Variants in LRP2BP observed in about 807,000 individuals in gnomAD.
The protein encoded by LRP2BP is LRP2-binding protein.
In LRP2BP, 38 loss-of-function variants were observed where a neutral mutation model predicts 45.2. The observed-to-expected ratio is 0.84, with a 90% CI of 0.65 to 1.10. The LOEUF is 1.10. LRP2BP is among the 50% of genes least tolerant of loss of function. The pLI, the probability that LRP2BP is intolerant of heterozygous loss-of-function variation, is 0.00. For synonymous variants in LRP2BP, 153 were observed against 153.9 expected, an observed-to-expected ratio of 0.99 and a Z score of 0.04; for missense variants, 385 against 418.9, an observed-to-expected ratio of 0.92 and a Z score of 0.71.
At chr4:185,378,595 A>G (rs2095446063) in intron 1 of LRP2BP, 1 of 996,836 alleles carries the variant, frequency 1.0e-6, no homozygotes, top group African/African-American at 1.7e-5. Flanking sequence ...CTTGTAACTG[A>G]CACTCATCGG....
At chr4:185,384,054 G>A (rs76648697) in intron 1 of LRP2BP, among the ~76,000 whole-genome samples, 2,236 of 152,300 alleles carry the variant, frequency 0.015, 30 homozygotes, top group Non-Finnish European at 0.021. Context: ...TATGCTTAGA[G>A]TGTGTGTCCC....
chr4:185,397,203 G>T, upstream of LRP2BP: 2 of 1,613,978 alleles, frequency 1.2e-6, no homozygotes, highest in Non-Finnish European at 1.7e-6. Context: ...ACGCACCCCC[G>T]GATCCCTGCA....
At chr4:185,380,548 C>CT (rs2095452965) in intron 1 of LRP2BP, among the ~76,000 whole-genome samples, 1 of 152,206 alleles carries the variant, frequency 6.6e-6, no homozygotes, top group Non-Finnish European at 1.5e-5. Flanking sequence ...TCCTCTATCT[C>CT]TGTGTGTCCT....
intron 1 of LRP2BP, among the ~76,000 whole-genome samples, chr4:185,394,187 A>C (rs1412398146): frequency 6.6e-6 from 1 of 150,860 alleles, no homozygotes; most frequent in African/African-American, 2.4e-5. Flanking sequence ...GAACCCGGGA[A>C]GACGGAGGTT....
chr4:185,369,337 C>A (rs950551727), intron 8 of LRP2BP, among the ~76,000 whole-genome samples: 2 of 151,172 alleles, frequency 1.3e-5, no homozygotes, highest in African/African-American at 4.9e-5. Flanking sequence ...CCTGCCTCAG[C>A]CTCGCGAGTA....
At chr4:185,381,592 A>C (rs1330310371) in intron 1 of LRP2BP, among the ~76,000 whole-genome samples, 3 of 152,180 alleles carry the variant, frequency 2.0e-5, no homozygotes, top group African/African-American at 7.2e-5. Context: ...TTGAGTTCTG[A>C]ATATAAATCA....
intron 1 of LRP2BP, among the ~76,000 whole-genome samples, chr4:185,385,021 A>T (rs1302224926): frequency 6.6e-6 from 1 of 151,910 alleles, no homozygotes. Context: ...GAAGAGAGGA[A>T]AAGTGTGGGG....
intron 1 of LRP2BP, chr4:185,378,575 C>A: frequency 1.0e-6 from 1 of 1,003,330 alleles, no homozygotes; most frequent in Non-Finnish European, 1.2e-6. Flanking sequence ...GCACTGGTAC[C>A]TTCTCTGCCC....
chr4:185,375,627 T>G lies in LRP2BP; in HGVS notation c.316A>C (p.Thr106Pro), dbSNP rs749652001. Reference protein sequence around the residue: ...LGVMYYDGLGTTLDAEKGVDY... With the variant: ...LGVMYYDGLGPTLDAEKGVDY... ...CATTAACTTACAGCGTCTAGAGTGG[T>G]CCCCAGCCCATCATAGTACATCACT... The change falls in exon 4 of 9, where the codon ACC becomes CCC. Residue 106 changes from threonine (T) to proline (P), a missense_variant. Physicochemically the swap from Thr to Pro is conservative, Grantham distance 38. Transcript: ENST00000505916. The G allele has an allele frequency of 1.9e-6, 3 of 1,606,024 alleles. No individual in the cohort carries two copies. The highest frequency in any genetic ancestry group is 3.4e-5 in the Admixed American group (2 of 59,428).
intron 6 of LRP2BP, among the ~76,000 whole-genome samples, chr4:185,373,742 T>G (rs2095423992): frequency 6.6e-6 from 1 of 152,228 alleles, no homozygotes; most frequent in East Asian, 1.9e-4. Flanking sequence ...ATGAAAGAGA[T>G]TATATTTCTG....
chr4:185,392,686 T>C (rs1192655887), intron 1 of LRP2BP, among the ~76,000 whole-genome samples: 2 of 152,188 alleles, frequency 1.3e-5, no homozygotes, highest in Non-Finnish European at 2.9e-5. Context: ...ATATTTGGAA[T>C]ATTATCACCT....
At position 185,373,001 on chromosome 4, in the gene LRP2BP, C is replaced by G; in HGVS notation, c.658G>C (p.Gly220Arg). The change falls in exon 7 of 9, where the codon GGA becomes CGA. Residue 220 changes from glycine (G) to arginine (R), a missense_variant. Transcript: ENST00000505916. The stretch of plus-strand genomic sequence containing the variant: ...TCCGTATCCTGCCGGATGCCTTGTC[C>G]ATACAAGTACATGAGCCCAAGTGCA... ...QGALGLMYLY[G>R]QGIRQDTEAA... is the part of the protein sequence containing the mutation. 1 of 1,613,958 alleles carries G rather than the reference C, an allele frequency of 6.2e-7. No individual in the cohort carries two copies. The highest frequency in any genetic ancestry group is 8.5e-7 in the Non-Finnish European group (1 of 1,179,824).
In LRP2BP at chr4:185,395,351, C is replaced by G; in HGVS notation, c.-594G>C. Reference sequence around the variant, plus strand: ...TATGTTCAAAACTGTAAGAACGTGTCTGATACCCTTTATTAGTTAGGAATT... The same window carrying G: ...TATGTTCAAAACTGTAAGAACGTGTGTGATACCCTTTATTAGTTAGGAATT... On this transcript the variant is annotated 5_prime_UTR_variant, in exon 1 of 9. Coordinates refer to ENST00000505916, the MANE Select transcript of LRP2BP (RefSeq NM_001377440.1). 1 of 985,408 alleles carries G rather than the reference C, an allele frequency of 1.0e-6. No homozygotes were observed. The highest frequency in any genetic ancestry group is 6.1e-5 in the Admixed American group (1 of 16,276). The allele number at this position is 985,408 out of a possible 1,614,324, so 61.0% of individuals were successfully genotyped here. A position where few individuals can be genotyped will look rare whatever the true frequency, so the allele number is the denominator to read the frequency against.
At chr4:185,388,869 AAATAAT>A (rs56705155) in intron 1 of LRP2BP, among the ~76,000 whole-genome samples, 19 of 151,840 alleles carry the variant, frequency 1.3e-4, no homozygotes, top group Admixed American at 2.6e-4. Context: ...CTTACTAATA[AAATAAT>A]AATAATTATT....
At chr4:185,368,337 A>G (rs2095399012) in intron 8 of LRP2BP, among the ~76,000 whole-genome samples, 1 of 152,210 alleles carries the variant, frequency 6.6e-6, no homozygotes, top group Admixed American at 6.5e-5. Flanking sequence ...AGCCGAGAGC[A>G]GGCCTGGGTC....
chr4:185,391,807 C>T (rs2126850444), intron 1 of LRP2BP, among the ~76,000 whole-genome samples: 1 of 152,240 alleles, frequency 6.6e-6, no homozygotes, highest in South Asian at 2.1e-4. Flanking sequence ...ATTAGAAACC[C>T]GGATCTGGGT....
intron 1 of LRP2BP, among the ~76,000 whole-genome samples, chr4:185,389,412 A>G (rs575793609): frequency 6.7e-6 from 1 of 150,084 alleles, no homozygotes; most frequent in South Asian, 2.1e-4. Context: ...GGGTTTCACT[A>G]TGTTGGCCAG....
At chr4:185,396,824 C>T (rs1325394609), upstream of LRP2BP, 6 of 1,310,788 alleles carry the variant, frequency 4.6e-6, no homozygotes, top group South Asian at 1.2e-5. Flanking sequence ...TAAATTCTCC[C>T]GTGCTAGGGC....
intron 6 of LRP2BP, among the ~76,000 whole-genome samples, chr4:185,373,411 G>C (rs1055485970): frequency 3.9e-5 from 6 of 152,190 alleles, no homozygotes; most frequent in African/African-American, 1.4e-4. Context: ...TCTGAAAGGC[G>C]TGAGGCACAG....
Sources: allele counts gnomAD v4.1 joint callset (sites outside exome capture counted in the v4.1 genomes callset), GRCh38; gene constraint gnomAD v4.1.1; transcripts MANE v1.5; gene names NCBI Gene and HGNC (gene_info 2026-07-23, HGNC 2026-07-21).